The following KCNQ1 variants were observed in gnomAD, a reference collection of about 807,000 sequenced individuals.
KCNQ1 encodes potassium voltage-gated channel subfamily KQT member 1.
In KCNQ1, 49 loss-of-function variants were observed where a neutral mutation model predicts 72.4. The observed-to-expected ratio is 0.68, with a 90% CI of 0.54 to 0.86. The LOEUF (loss-of-function observed/expected upper bound fraction) is 0.86, where lower values mean the gene tolerates loss of function less well. KCNQ1 is among the 40% of genes least tolerant of loss of function. KCNQ1 has a pLI of 0.00. For missense variants in KCNQ1, 790 were observed against 945.1 expected (o/e 0.84, Z 2.15); for synonymous variants, 450 against 412.6 (o/e 1.09, Z -1.10).
At position 2,544,270 on chromosome 11, in the gene KCNQ1, GTATATATATGTGTA is replaced by G. The variant is rs1847869066; in HGVS notation, c.477+16264_477+16277del. 1.1e-5 allele frequency among the ~76,000 whole-genome samples: 1 copy of G among 90,066 alleles called. No homozygotes were observed. Among genetic ancestry groups the G allele is most frequent in the South Asian group, 3.9e-4 (1 of 2,572 alleles). The allele number at this position is 90,066 out of a possible 152,430, so 59.1% of individuals were successfully genotyped here. A position where few individuals can be genotyped will look rare whatever the true frequency, so the allele number is the denominator to read the frequency against. ...TGTGTATATATATATGTGTGTGTGT[GTATATATATGTGTA>G]TATATATATGTATATATGTGTATAT... is the stretch of plus-strand genomic sequence containing the variant. On this transcript the variant is annotated intron_variant, in intron 2 of 15. Transcript: ENST00000155840. The surrounding 1 kb of genome is among the most constrained non-coding windows in gnomAD (Gnocchi z 4.4).
At chr11:2,842,065 T>C (rs1299919100) in intron 15 of KCNQ1, among the ~76,000 whole-genome samples, 1 of 152,154 alleles carries the variant, frequency 6.6e-6, no homozygotes, top group Non-Finnish European at 1.5e-5. Context: ...GCGGCAGAGC[T>C]TCCTCTGGCT....
At chr11:2,741,992 GA>G (rs1281819370) in intron 11 of KCNQ1, among the ~76,000 whole-genome samples, 1 of 152,238 alleles carries the variant, frequency 6.6e-6, no homozygotes, top group Non-Finnish European at 1.5e-5. Flanking sequence ...GTAACCCCCA[GA>G]ACTCTTGGCT....
At chr11:2,499,041 G>A (rs775518953) in intron 1 of KCNQ1, among the ~76,000 whole-genome samples, 15 of 152,258 alleles carry the variant, frequency 9.9e-5, no homozygotes, top group Admixed American at 5.2e-4. Context: ...TGTGCCCTCC[G>A]TGGGCTGCAC....
chr11:2,605,547 T>G (rs755709322), intron 10 of KCNQ1, among the ~76,000 whole-genome samples: 13 of 152,240 alleles, frequency 8.5e-5, no homozygotes, highest in Non-Finnish European at 1.6e-4. Context: ...AAGACTATTC[T>G]TTCCGCATTG....
At chr11:2,448,428 G>A (rs1372107696) in intron 1 of KCNQ1, among the ~76,000 whole-genome samples, 3 of 152,248 alleles carry the variant, frequency 2.0e-5, no homozygotes, top group East Asian at 3.8e-4. Flanking sequence ...TCCCAGAGGT[G>A]GATGGGGCTG....
rs1258765759 is a variant in KCNQ1 at position 2,690,494 on chromosome 11, G to A, written c.1514+28413G>A. The A allele has an allele frequency of 7.5e-6, 3 of 398,400 alleles. No individual in the cohort carries two copies. The highest frequency in any genetic ancestry group is 2.1e-5 in the African/African-American group (1 of 48,568). The allele number at this position is 398,400 out of a possible 1,614,324, so 24.7% of individuals were successfully genotyped here. A position where few individuals can be genotyped will look rare whatever the true frequency, so the allele number is the denominator to read the frequency against. ...CTGGGAACAGCCACTGGGCCCAGTC[G>A]GGGGGGTCTCAGCACCTATCACAAA... On this transcript the variant is annotated intron_variant, in intron 11 of 15. Transcript: ENST00000155840. This position sits in a 1 kb window ranked among gnomAD's most constrained non-coding sequence, Gnocchi z 5.1.
chr11:2,846,510 G>C (rs568188893), intron 15 of KCNQ1, among the ~76,000 whole-genome samples: 1 of 152,274 alleles, frequency 6.6e-6, no homozygotes, highest in South Asian at 2.1e-4. Flanking sequence ...AGAGCTGTGC[G>C]CCCTCCCCGA....
intron 15 of KCNQ1, among the ~76,000 whole-genome samples, chr11:2,786,193 T>C (rs1276033822): frequency 1.3e-5 from 2 of 152,166 alleles, no homozygotes; most frequent in Non-Finnish European, 2.9e-5. Context: ...AAAAAATATT[T>C]CCACCAATTA....
chr11:2,796,960 A>AC, intron 15 of KCNQ1, among the ~76,000 whole-genome samples: 1 of 152,096 alleles, frequency 6.6e-6, no homozygotes, highest in Non-Finnish European at 1.5e-5. Context: ...CCCGGGCCTA[A>AC]CCCCCCAAGG....
rs529821314 is a variant in KCNQ1 at position 2,657,666 on chromosome 11, C to A, written c.1394-4295C>A. On this transcript the variant is annotated intron_variant, in intron 10 of 15. Transcript: ENST00000155840. The surrounding 1 kb of genome is among the most constrained non-coding windows in gnomAD (Gnocchi z 4.8). ...ATTTATTTGGATTTCCCCAGTTTAA[C>A]TACTAATGTCCTTTTTCTGTTCCAA... The A allele has an allele frequency of 2.5e-6, 1 of 398,620 alleles. No individual in the cohort carries two copies. Among genetic ancestry groups the A allele is most frequent in the South Asian group, 1.3e-4 (1 of 7,862 alleles). The allele number at this position is 398,620 out of a possible 1,614,324, so 24.7% of individuals were successfully genotyped here.
intron 11 of KCNQ1, among the ~76,000 whole-genome samples, chr11:2,709,423 T>G (rs372761967): frequency 0.32 from 18,843 of 58,068 alleles, 1,255 homozygotes; most frequent in East Asian, 0.5. Context: ...GCAGGGCTGT[T>G]TTTTTTTTAT....
At chr11:2,718,555 G>A (rs545066169) in intron 11 of KCNQ1, among the ~76,000 whole-genome samples, 15 of 152,300 alleles carry the variant, frequency 9.8e-5, no homozygotes, top group East Asian at 7.7e-4. Flanking sequence ...AGGATAGTTC[G>A]GGCATCTGAG....
chr11:2,716,364 C>T (rs1313442444), intron 11 of KCNQ1, among the ~76,000 whole-genome samples: 5 of 152,260 alleles, frequency 3.3e-5, no homozygotes, highest in East Asian at 3.9e-4. Flanking sequence ...AGTGGAGCTG[C>T]GTGGTCAGCT....
chr11:2,678,373 T>A lies in KCNQ1; in HGVS notation c.1514+16292T>A. ...TCGGGATTTTGACAGAGTAATTAAA[T>A]CCAATTTGGTTTCCCATATATTTGT... On this transcript the variant is annotated intron_variant, in intron 11 of 15. Coordinates refer to ENST00000155840, the MANE Select transcript of KCNQ1 (RefSeq NM_000218.3). The surrounding 1 kb of genome is among the most constrained non-coding windows in gnomAD (Gnocchi z 4.9). The A allele has an allele frequency of 5.0e-6, 2 of 398,628 alleles. No homozygotes were observed. The highest frequency in any genetic ancestry group is 8.8e-6 in the Non-Finnish European group (2 of 226,056). 24.7% of individuals were successfully genotyped at this position (398,628 alleles called of 1,614,324 possible). A position where few individuals can be genotyped will look rare whatever the true frequency, so the allele number is the denominator to read the frequency against.
chr11:2,632,250 G>C (rs1206387474), intron 10 of KCNQ1: 1 of 395,782 alleles, frequency 2.5e-6, no homozygotes, highest in East Asian at 3.6e-5. Context: ...CTGCTACTTT[G>C]CTGAATTAAT....
rs964709959 is a variant in KCNQ1 at position 2,626,493 on chromosome 11, C to T, written c.1394-35468C>T. The T allele has an allele frequency of 2.5e-6, 1 of 398,440 alleles. No homozygotes were observed. Among genetic ancestry groups the T allele is most frequent in the African/African-American group, 2.1e-5 (1 of 48,586 alleles). The allele number at this position is 398,440 out of a possible 1,614,324, so 24.7% of individuals were successfully genotyped here. Reference sequence around the variant, plus strand: ...TGGTCTCTACATCTTTATGTCAATACCACATAGTTTTGATTACTGTAGCTT... The same window carrying T: ...TGGTCTCTACATCTTTATGTCAATATCACATAGTTTTGATTACTGTAGCTT... On this transcript the variant is annotated intron_variant, in intron 10 of 15. Transcript: ENST00000155840. The surrounding 1 kb of genome is among the most constrained non-coding windows in gnomAD (Gnocchi z 4.0).
chr11:2,792,500 C>G (rs1047325430), intron 15 of KCNQ1, among the ~76,000 whole-genome samples: 1 of 152,252 alleles, frequency 6.6e-6, no homozygotes, highest in South Asian at 2.1e-4. Context: ...GAGAAACTCT[C>G]TCCCTCAGGT....
At position 2,759,665 on chromosome 11, in the gene KCNQ1, C is replaced by G. The variant is rs1846358736; in HGVS notation, c.1515-9179C>G. The stretch of plus-strand genomic sequence containing the variant: ...CAAAGCTGATAAATTCTTCCTTATT[C>G]CAGAGTTAGAGGATCCTCCAGAAGG... On this transcript the variant is annotated intron_variant, in intron 11 of 15. Coordinates refer to ENST00000155840, the MANE Select transcript of KCNQ1 (RefSeq NM_000218.3). The surrounding 1 kb of genome is among the most constrained non-coding windows in gnomAD (Gnocchi z 4.4). Among the ~76,000 whole-genome samples, 1 of 152,180 alleles carries G rather than the reference C, an allele frequency of 6.6e-6. No homozygotes were observed. The highest frequency in any genetic ancestry group is 2.1e-4 in the South Asian group (1 of 4,834).
chr11:2,449,900 TA>T (rs1846099158), intron 1 of KCNQ1, among the ~76,000 whole-genome samples: 1 of 152,108 alleles, frequency 6.6e-6, no homozygotes, highest in Non-Finnish European at 1.5e-5. Flanking sequence ...GGGATGCTGT[TA>T]ACAGGGCAGC....
Sources: gnomAD v4.1 joint callset for allele counts (sites outside exome capture counted in the v4.1 genomes callset) on GRCh38, gnomAD v4.1.1 for gene constraint, Gnocchi (gnomAD v3.1) non-coding constraint, MANE v1.5 for transcripts, NCBI Gene and HGNC (gene_info 2026-07-23, HGNC 2026-07-21) for gene names.